The following KCNJ3 variants were observed in gnomAD, a reference collection of about 807,000 sequenced individuals.
KCNJ3 encodes potassium inwardly rectifying channel subfamily J member 3.
A neutral mutation model predicts 39.2 loss-of-function variants in KCNJ3; 4 were observed. The observed-to-expected ratio is 0.10, with a 90% CI of 0.05 to 0.23. The LOEUF is 0.23. Among genes scored for constraint, KCNJ3 ranks in the 10% least tolerant of loss-of-function variants. The pLI, the probability that KCNJ3 is intolerant of heterozygous loss-of-function variation, is 1.00. For synonymous variants in KCNJ3, 230 were observed against 237.4 expected (o/e 0.97, Z 0.29); for missense variants, 276 against 634.9 (o/e 0.43, Z 6.08).
chr2:154,726,961 G>T (rs1304675288), intron 2 of KCNJ3, among the ~76,000 whole-genome samples: 1 of 151,990 alleles, frequency 6.6e-6, no homozygotes, highest in Non-Finnish European at 1.5e-5. Flanking sequence ...TGGGAGCTAA[G>T]CTATGAGGAC....
chr2:154,708,292 G>GA (rs946489452), intron 1 of KCNJ3, among the ~76,000 whole-genome samples: 21 of 152,036 alleles, frequency 1.4e-4, no homozygotes, highest in Non-Finnish European at 2.6e-4. Flanking sequence ...AAGCACCACC[G>GA]ATTTGGAACC....
At chr2:154,830,336 T>C (rs1687341813) in intron 2 of KCNJ3, among the ~76,000 whole-genome samples, 1 of 152,184 alleles carries the variant, frequency 6.6e-6, no homozygotes, top group Non-Finnish European at 1.5e-5. Flanking sequence ...TGTTCTCATA[T>C]TCCTGAAAAA....
chr2:154,772,478 A>G (rs1419843909), intron 2 of KCNJ3, among the ~76,000 whole-genome samples: 9 of 152,162 alleles, frequency 5.9e-5, no homozygotes, highest in African/African-American at 2.2e-4. Flanking sequence ...TATTAAAAAT[A>G]CTTCATGGAA....
At chr2:154,721,720 GGAATGATAAAAT>G (rs1685266131) in intron 2 of KCNJ3, among the ~76,000 whole-genome samples, 2 of 151,790 alleles carry the variant, frequency 1.3e-5, no homozygotes, top group African/African-American at 4.8e-5. Flanking sequence ...TAGTAGAATT[GGAATGATAAAAT>G]TATAAAGATA....
chr2:154,747,069 A>G (rs1322497031), intron 2 of KCNJ3, among the ~76,000 whole-genome samples: 2 of 151,928 alleles, frequency 1.3e-5, no homozygotes, highest in African/African-American at 2.4e-5. Flanking sequence ...CTTACAGTAC[A>G]TTTTAGTTGT....
intron 2 of KCNJ3, among the ~76,000 whole-genome samples, chr2:154,781,951 G>A (rs1423346838): frequency 6.6e-6 from 1 of 152,180 alleles, no homozygotes; most frequent in Non-Finnish European, 1.5e-5. Flanking sequence ...AAGTTCAGTG[G>A]TTTTGAGTGC....
At chr2:154,749,259 C>A (rs1356580138) in intron 2 of KCNJ3, among the ~76,000 whole-genome samples, 1 of 151,888 alleles carries the variant, frequency 6.6e-6, no homozygotes, top group Non-Finnish European at 1.5e-5. Flanking sequence ...TACCAAGAGA[C>A]CCCCCTCAAA....
chr2:154,740,168 A>G (rs1685627408), intron 2 of KCNJ3, among the ~76,000 whole-genome samples: 1 of 152,046 alleles, frequency 6.6e-6, no homozygotes, highest in African/African-American at 2.4e-5. Flanking sequence ...GTGTATTGTT[A>G]AAAAAGACAT....
intron 2 of KCNJ3, among the ~76,000 whole-genome samples, chr2:154,850,299 G>A (rs949868695): frequency 6.6e-6 from 1 of 151,736 alleles, no homozygotes; most frequent in Non-Finnish European, 1.5e-5. Flanking sequence ...TCTAAGCATG[G>A]ATTATTTTAA....
At chr2:154,703,831 AT>A (rs1353576345) in intron 1 of KCNJ3, among the ~76,000 whole-genome samples, 1 of 152,078 alleles carries the variant, frequency 6.6e-6, no homozygotes, top group Non-Finnish European at 1.5e-5. Context: ...CGAGACAATT[AT>A]TTACCTCCCT....
rs1048596962 is a variant in KCNJ3, at chr2:154,856,748, A to G, written c.*1435A>G. The G allele has an allele frequency of 6.6e-6, 1 of 152,160 alleles. No homozygotes were observed. Among genetic ancestry groups the G allele is most frequent in the African/African-American group, 2.4e-5 (1 of 41,450 alleles). The allele number at this position is 152,160 out of a possible 1,614,324, so 9.4% of individuals were successfully genotyped here. A position where few individuals can be genotyped will look rare whatever the true frequency, so the allele number is the denominator to read the frequency against. ...CTAATCCTGAAGTCTGATATTTATGACTCATTAGCAGGAATCAAAACTAGT... is the reference window on the plus strand; with the variant it reads ...CTAATCCTGAAGTCTGATATTTATGGCTCATTAGCAGGAATCAAAACTAGT... On this transcript the variant is annotated 3_prime_UTR_variant, in exon 3 of 3. Coordinates refer to ENST00000295101, the MANE Select transcript of KCNJ3 (RefSeq NM_002239.4).
At chr2:154,735,496 GT>G (rs1379052477) in intron 2 of KCNJ3, among the ~76,000 whole-genome samples, 1 of 152,108 alleles carries the variant, frequency 6.6e-6, no homozygotes, top group Non-Finnish European at 1.5e-5. Flanking sequence ...GGTAAGAATT[GT>G]TTTAATTATG....
chr2:154,707,957 A>G (rs1685041073), intron 1 of KCNJ3, among the ~76,000 whole-genome samples: 1 of 152,174 alleles, frequency 6.6e-6, no homozygotes, highest in South Asian at 2.1e-4. Context: ...TTAGAAATAC[A>G]GGTCACTCAA....
chr2:154,736,071 T>C (rs1685523948), intron 2 of KCNJ3, among the ~76,000 whole-genome samples: 1 of 152,174 alleles, frequency 6.6e-6, no homozygotes, highest in African/African-American at 2.4e-5. Context: ...AAATTTCTTG[T>C]GGCTTTCCTT....
chr2:154,700,213 G>A (rs1684863525), intron 1 of KCNJ3, among the ~76,000 whole-genome samples: 1 of 152,132 alleles, frequency 6.6e-6, no homozygotes, highest in South Asian at 2.1e-4. Context: ...TGAAGCCTTT[G>A]TCAATTACAG....
At chr2:154,764,873 C>G (rs1686105373) in intron 2 of KCNJ3, among the ~76,000 whole-genome samples, 1 of 151,568 alleles carries the variant, frequency 6.6e-6, no homozygotes. Context: ...TTGGATGCCC[C>G]ATGCTTTTTG....
At chr2:154,779,496 A>G (rs1034842747) in intron 2 of KCNJ3, among the ~76,000 whole-genome samples, 5 of 145,366 alleles carry the variant, frequency 3.4e-5, no homozygotes, top group Non-Finnish European at 6.0e-5. Flanking sequence ...TGTTATATAT[A>G]TTTTATATAT....
At chr2:154,818,268 G>T (rs1022204125) in intron 2 of KCNJ3, among the ~76,000 whole-genome samples, 4 of 151,956 alleles carry the variant, frequency 2.6e-5, no homozygotes, top group Admixed American at 6.6e-5. Flanking sequence ...GAAATTCTTC[G>T]AAGTATGGGT....
intron 2 of KCNJ3, among the ~76,000 whole-genome samples, chr2:154,843,356 G>T (rs975542100): frequency 1.3e-5 from 2 of 152,026 alleles, no homozygotes; most frequent in Non-Finnish European, 2.9e-5. Context: ...CTTTCTCTCT[G>T]GCTGCCCTTA....
Sources: allele counts gnomAD v4.1 joint callset (sites outside exome capture counted in the v4.1 genomes callset), GRCh38; gene constraint gnomAD v4.1.1; transcripts MANE v1.5; gene names NCBI Gene and HGNC (gene_info 2026-07-23, HGNC 2026-07-21).